The following CD3D variants were observed in gnomAD, a reference collection of about 807,000 sequenced individuals.
The protein encoded by CD3D is T-cell surface glycoprotein CD3 delta chain.
CD3D carries 22 observed loss-of-function variants against 22.0 expected under a neutral mutation model. The observed-to-expected ratio is 1.00, with a 90% CI of 0.71 to 1.43. The LOEUF (loss-of-function observed/expected upper bound fraction) is 1.43. Among genes scored for constraint, CD3D ranks in the 40% most tolerant of loss-of-function variants. The pLI is 0.00. For synonymous variants in CD3D, 74 were observed against 81.2 expected, an observed-to-expected ratio of 0.91 and a Z score of 0.48; for missense variants, 205 against 211.7, an observed-to-expected ratio of 0.97 and a Z score of 0.20.
rs886047740 is a variant in CD3D, at chr11:118,342,653, A to G, written c.-46T>C. 23 of 1,567,266 alleles carry G rather than the reference A, an allele frequency of 1.5e-5. No individual in the cohort carries two copies. The highest frequency in any genetic ancestry group is 2.0e-5 in the Non-Finnish European group (23 of 1,137,862). On this transcript the variant is annotated 5_prime_UTR_variant, in exon 1 of 5. Coordinates refer to ENST00000300692, the MANE Select transcript of CD3D (RefSeq NM_000732.6). ...GTAGATAAAGCCAGGTCACCGAACT[A>G]TCAGCCTGGGTGAGAGCTGCCCTCC...
chr11:118,342,053 G>C (rs1390134635), intron 1 of CD3D, among the ~76,000 whole-genome samples: 1 of 152,108 alleles, frequency 6.6e-6, no homozygotes, highest in African/African-American at 2.4e-5. Flanking sequence ...AGGCCCACAT[G>C]CACCCATGGC....
At position 118,342,223 on chromosome 11, in the gene CD3D, G is replaced by A. The variant is rs570360374; in HGVS notation, c.55+330C>T. Among the ~76,000 whole-genome samples, 3 of 151,682 alleles carry A rather than the reference G, an allele frequency of 2.0e-5. No individual in the cohort carries two copies. The East Asian group carries it at 5.8e-4, about 29-fold the overall frequency. ...GTCTCACAGGTTGCCTAGGTTGGAG[G>A]GCAGTGGCATGATCACAGCTCACTG... is the stretch of plus-strand genomic sequence containing the variant. On this transcript the variant is annotated intron_variant, in intron 1 of 4. Transcript: ENST00000300692.
chr11:118,339,701 C>T, intron 3 of CD3D, 74 bp downstream of exon 3: 4 of 1,546,088 alleles, frequency 2.6e-6, no homozygotes, highest in Non-Finnish European at 3.5e-6. Context: ...GGTGCATAAG[C>T]TCACTGGTAC....
rs1444773153 is a variant in CD3D at position 118,340,513 on chromosome 11, C to G, written c.136G>C (p.Gly46Arg). ...NCNTSITWVE[G>R]TVGTLLSDIT... Reference sequence around the variant, plus strand: ...TCTGAGAGCAGTGTTCCCACCGTTCCCTCTACCCATGTGATGCTGGTATTG... The same window carrying G: ...TCTGAGAGCAGTGTTCCCACCGTTCGCTCTACCCATGTGATGCTGGTATTG... Residue 46 changes from glycine to arginine, a missense_variant, in exon 2 of 5, where the codon GGA (glycine) becomes CGA (arginine). Coordinates refer to ENST00000300692, the MANE Select transcript of CD3D (RefSeq NM_000732.6). 1 of 1,614,056 alleles carries G rather than the reference C, an allele frequency of 6.2e-7. No homozygotes were observed. The highest frequency in any genetic ancestry group is 8.5e-7 in the Non-Finnish European group (1 of 1,180,008).
chr11:118,340,611 T>C lies in CD3D; in HGVS notation c.56-18A>G, dbSNP rs911784494. The C allele has an allele frequency of 5.8e-6, 9 of 1,563,062 alleles. 1 individual carries two copies. The South Asian group carries it at 1.0e-4, about 17-fold the overall frequency. On this transcript the variant is annotated intron_variant, in intron 1 of 4. Coordinates refer to ENST00000300692, the MANE Select transcript of CD3D (RefSeq NM_000732.6). The stretch of plus-strand genomic sequence containing the variant: ...GGGGCTCACTAAAGGGGAAAAAATA[T>C]CACAGTTGGAGACAGCTCTTTGATC...
intron 1 of CD3D, chr11:118,341,083 G>A (rs1948296126): frequency 5.0e-6 from 2 of 400,724 alleles, no homozygotes; most frequent in Non-Finnish European, 1.0e-5. Flanking sequence ...CTGCTCCATT[G>A]ACAACCAAGA....
At chr11:118,339,715 C>T in intron 3 of CD3D, 60 bp downstream of exon 3, 2 of 1,412,144 alleles carry the variant, frequency 1.4e-6, no homozygotes, top group South Asian at 1.5e-5. Flanking sequence ...CTGGTACACA[C>T]ACACACACAC....
downstream of CD3D, chr11:118,339,009 G>A (rs1269352030): frequency 5.3e-6 from 4 of 761,672 alleles, no homozygotes; most frequent in Non-Finnish European, 2.4e-6. Flanking sequence ...AGGAGGGCGA[G>A]ATCCCAAGCA....
At chr11:118,341,529 C>A (rs1040060824) in intron 1 of CD3D, among the ~76,000 whole-genome samples, 1 of 152,172 alleles carries the variant, frequency 6.6e-6, no homozygotes, top group Non-Finnish European at 1.5e-5. Context: ...AGCTGTTGCT[C>A]ACACTTCTGA....
At position 118,339,768 on chromosome 11, in the gene CD3D, C is replaced by T; in HGVS notation, c.406+7G>A. On this transcript the variant is annotated splice_region_variant and intron_variant, in intron 3 of 4. Coordinates refer to ENST00000300692, the MANE Select transcript of CD3D (RefSeq NM_000732.6). Reference sequence around the variant, plus strand: ...AACACACTCTCATGCTCTGCTCTTCCACTAACCCCCAGACAGCCTTCCAGT... The same window carrying T: ...AACACACTCTCATGCTCTGCTCTTCTACTAACCCCCAGACAGCCTTCCAGT... 1.9e-6 allele frequency: 3 copies of T among 1,613,662 alleles called. No individual in the cohort carries two copies. Among genetic ancestry groups the T allele is most frequent in the Non-Finnish European group, 2.5e-6 (3 of 1,179,938 alleles).
At chr11:118,341,967 A>G (rs1421199172) in intron 1 of CD3D, among the ~76,000 whole-genome samples, 1 of 152,182 alleles carries the variant, frequency 6.6e-6, no homozygotes, top group Non-Finnish European at 1.5e-5. Flanking sequence ...TCCCATGGCC[A>G]GTCCCAGATT....
At position 118,339,224 on chromosome 11, in the gene CD3D, G is replaced by T. The variant is rs1948276575; in HGVS notation, c.454C>A (p.Leu152Ile). The T allele has an allele frequency of 1.2e-6, 2 of 1,613,784 alleles. No individual in the cohort carries two copies. Among genetic ancestry groups the T allele is most frequent in the African/African-American group, 2.7e-5 (2 of 74,880 alleles). Residue 152 changes from leucine (L) to isoleucine (I), a missense_variant, in exon 5 of 5, where the codon CTC (leucine) becomes ATC (isoleucine). Leu to Ile is a conservative substitution (Grantham distance 5). Transcript: ENST00000300692. Reference sequence around the variant, plus strand: ...TACTGAGCATCATCTCGATCTCGGAGGGGCTAAGAGAGGAGAAGAGAAAAC... The same window carrying T: ...TACTGAGCATCATCTCGATCTCGGATGGGCTAAGAGAGGAGAAGAGAAAAC... ...LLRNDQVYQP[L>I]RDRDDAQYSH... is the part of the protein sequence containing the mutation.
Position 118,339,213 on chromosome 11 carries a change from T to G in CD3D, c.465A>C (p.Arg155=), listed in dbSNP as rs1948276310. ...CAAGGTGGCTGTACTGAGCATCATC[T>G]CGATCTCGGAGGGGCTAAGAGAGGA... ...NDQVYQPLRD[R]DDAQYSHLGG... The change falls in exon 5 of 5, where the codon CGA becomes CGC. Residue 155 remains arginine (R), a synonymous_variant. Coordinates refer to ENST00000300692, the MANE Select transcript of CD3D (RefSeq NM_000732.6). 3 of 1,613,648 alleles carry G rather than the reference T, an allele frequency of 1.9e-6. No homozygotes were observed. The highest frequency in any genetic ancestry group is 2.5e-6 in the Non-Finnish European group (3 of 1,179,822).
At chr11:118,339,607 A>T in intron 3 of CD3D, 113 bp from the exon 4 acceptor site, 1 of 1,564,864 alleles carries the variant, frequency 6.4e-7, no homozygotes. Context: ...TTCTTTCAAC[A>T]GTCAAAGTTC....
downstream of CD3D, chr11:118,339,033 C>G: frequency 1.2e-6 from 1 of 844,298 alleles, no homozygotes; most frequent in Non-Finnish European, 2.1e-6. Flanking sequence ...CAGGACAACT[C>G]CCACGCCTTG....
chr11:118,339,099 G>T lies in CD3D; in HGVS notation c.*63C>A. The T allele has an allele frequency of 7.3e-7, 1 of 1,374,032 alleles. No individual in the cohort carries two copies. The highest frequency in any genetic ancestry group is 1.0e-6 in the Non-Finnish European group (1 of 960,852). The allele number at this position is 1,374,032 out of a possible 1,614,324, so 85.1% of individuals were successfully genotyped here. A position where few individuals can be genotyped will look rare whatever the true frequency, so the allele number is the denominator to read the frequency against. On this transcript the variant is annotated 3_prime_UTR_variant, in exon 5 of 5. Transcript: ENST00000300692. ...CTGAGTGAAAGAGGATATATTTATTGGCTGAGCAAGAAGGGAAGGTACAGT... is the reference window on the plus strand; with the variant it reads ...CTGAGTGAAAGAGGATATATTTATTTGCTGAGCAAGAAGGGAAGGTACAGT...
downstream of CD3D, chr11:118,338,962 A>G: frequency 1.6e-6 from 1 of 618,738 alleles, no homozygotes; most frequent in African/African-American, 1.8e-5. Flanking sequence ...TGTGTGAGGC[A>G]GAGGAAGGAA....
At chr11:118,339,385 C>G in intron 4 of CD3D, 66 bp downstream of exon 4, 2 of 1,574,960 alleles carry the variant, frequency 1.3e-6, no homozygotes, top group South Asian at 1.1e-5. Context: ...AAACAGCATT[C>G]AGTGTGAGCC....
intron 1 of CD3D, 119 bp downstream of exon 1, chr11:118,342,434 G>T: frequency 1.1e-6 from 1 of 889,994 alleles, no homozygotes; most frequent in East Asian, 2.6e-5. Context: ...GCCTCCCAAA[G>T]CTCTGGGATT....
Sources: allele counts gnomAD v4.1 joint callset (sites outside exome capture counted in the v4.1 genomes callset), GRCh38; gene constraint gnomAD v4.1.1; transcripts MANE v1.5; gene names NCBI Gene and HGNC (gene_info 2026-07-23, HGNC 2026-07-21).